CTNNA2: variants seen among roughly 807,000 people sequenced by gnomAD.
CTNNA2 encodes catenin alpha-2.
In CTNNA2, 42 loss-of-function variants were observed where a neutral mutation model predicts 101.0. The ratio of observed to expected loss-of-function variants is 0.42; its 90% CI spans 0.32 to 0.54. The LOEUF is 0.54. CTNNA2 is among the 20% of genes least tolerant of loss of function. The probability of loss-of-function intolerance (pLI) is 0.14; values close to 1 mark genes in which losing one functional copy is unlikely to be tolerated. For synonymous variants in CTNNA2, 450 were observed against 456.4 expected, an observed-to-expected ratio of 0.99 and a Z score of 0.18; for missense variants, 871 against 1,223.1, an observed-to-expected ratio of 0.71 and a Z score of 4.29.
chr2:79,814,851 A>G (rs1366108565), intron 3 of CTNNA2, among the ~76,000 whole-genome samples: 1 of 152,150 alleles, frequency 6.6e-6, no homozygotes, highest in Non-Finnish European at 1.5e-5. Flanking sequence ...TAATCTCCAC[A>G]CTGTTTTACA....
At chr2:80,343,694 C>T (rs985584619) in intron 7 of CTNNA2, among the ~76,000 whole-genome samples, 2 of 152,140 alleles carry the variant, frequency 1.3e-5, no homozygotes, top group East Asian at 1.9e-4. Context: ...TTTCTGATCA[C>T]GATCCTTTTG....
intron 4 of CTNNA2, among the ~76,000 whole-genome samples, chr2:79,421,244 T>C (rs1472666069): frequency 6.6e-6 from 1 of 152,192 alleles, no homozygotes; most frequent in Non-Finnish European, 1.5e-5. Flanking sequence ...AAGAATGAGA[T>C]ATGACTAAAT....
chr2:80,058,997 T>G (rs1309392383), intron 7 of CTNNA2, among the ~76,000 whole-genome samples: 2 of 152,254 alleles, frequency 1.3e-5, no homozygotes, highest in African/African-American at 4.8e-5. Flanking sequence ...ATACCAGTCT[T>G]CCTTCTTTTC....
At chr2:79,999,425 G>A (rs936041445) in intron 7 of CTNNA2, among the ~76,000 whole-genome samples, 3 of 152,174 alleles carry the variant, frequency 2.0e-5, no homozygotes, top group African/African-American at 4.8e-5. Flanking sequence ...AGTGGCAGGT[G>A]CAAATTCAAC....
chr2:80,622,918 C>T (rs902032939), intron 18 of CTNNA2, among the ~76,000 whole-genome samples: 1 of 151,566 alleles, frequency 6.6e-6, no homozygotes, highest in African/African-American at 2.4e-5. Flanking sequence ...CCTATTGTGA[C>T]ATCAGAATTA....
At chr2:79,441,529 T>C (rs990250348) in intron 4 of CTNNA2, among the ~76,000 whole-genome samples, 1 of 152,166 alleles carries the variant, frequency 6.6e-6, no homozygotes, top group Non-Finnish European at 1.5e-5. Context: ...TTTTACATCA[T>C]TCAAACCACC....
At chr2:79,435,131 C>T (rs575774340) in intron 4 of CTNNA2, among the ~76,000 whole-genome samples, 1 of 152,112 alleles carries the variant, frequency 6.6e-6, no homozygotes, top group East Asian at 1.9e-4. Context: ...AGACCGGGCC[C>T]AGGAGAGAAC....
intron 7 of CTNNA2, among the ~76,000 whole-genome samples, chr2:80,300,306 G>A (rs1462539975): frequency 6.6e-6 from 1 of 151,036 alleles, no homozygotes; most frequent in East Asian, 2.0e-4. Context: ...GTGTGTGTGT[G>A]TGTGTGTGTG....
intron 6 of CTNNA2, among the ~76,000 whole-genome samples, chr2:79,887,680 A>C (rs1055504803): frequency 1.3e-5 from 2 of 152,198 alleles, no homozygotes; most frequent in Non-Finnish European, 1.5e-5. Context: ...ACTTCTTAAA[A>C]AAGAAAAAAA....
intron 7 of CTNNA2, among the ~76,000 whole-genome samples, chr2:80,024,048 C>T (rs995778834): frequency 7.0e-6 from 1 of 143,288 alleles, no homozygotes. Flanking sequence ...GATGGCGCCA[C>T]TGCACTTCAG....
At chr2:79,714,948 T>G (rs559939968) in intron 2 of CTNNA2, among the ~76,000 whole-genome samples, 5 of 148,728 alleles carry the variant, frequency 3.4e-5, no homozygotes, top group African/African-American at 1.2e-4. Context: ...CCCAGCACTT[T>G]GGGAGGCCAA....
chr2:80,595,013 AGGAT>A (rs750077185), intron 15 of CTNNA2, among the ~76,000 whole-genome samples: 19 of 152,064 alleles, frequency 1.2e-4, no homozygotes, highest in Non-Finnish European at 5.9e-5. Flanking sequence ...TGTGAATTTT[AGGAT>A]GGATTTTTAA....
chr2:79,227,561 AAC>A (rs1674436329), intron 2 of CTNNA2, among the ~76,000 whole-genome samples: 1 of 152,170 alleles, frequency 6.6e-6, no homozygotes, highest in Non-Finnish European at 1.5e-5. Context: ...ACCACAATAA[AAC>A]ACATATCAAA....
chr2:79,918,368 CA>C (rs1355364321), intron 7 of CTNNA2, among the ~76,000 whole-genome samples: 3 of 152,148 alleles, frequency 2.0e-5, no homozygotes, highest in African/African-American at 7.2e-5. Flanking sequence ...GCATTAGGTG[CA>C]AAGAACAGGA....
At position 80,156,664 on chromosome 2, in the gene CTNNA2, C is replaced by T. The variant is rs369561083; in HGVS notation, c.1057-236547C>T. 8.1e-4 allele frequency among the ~76,000 whole-genome samples: 124 copies of T among 152,332 alleles called. 1 individual carries two copies. The Middle Eastern group carries it at 0.02, about 25-fold the overall frequency. On this transcript the variant is annotated intron_variant, in intron 7 of 18. Transcript: ENST00000402739. ...CTCCTCACTTGACATGGCTGAGCTT[C>T]GCTCCTCATTAGCCATGACTGCTCT...
At chr2:79,783,039 T>A (rs1674573236) in intron 3 of CTNNA2, among the ~76,000 whole-genome samples, 1 of 152,090 alleles carries the variant, frequency 6.6e-6, no homozygotes, top group Non-Finnish European at 1.5e-5. Flanking sequence ...GCAATTGTGC[T>A]TAGTAATTTT....
chr2:79,858,934 G>T (rs1207654408), intron 4 of CTNNA2, among the ~76,000 whole-genome samples: 1 of 151,266 alleles, frequency 6.6e-6, no homozygotes. Context: ...ACTACGGGTC[G>T]TTCTTCCATT....
At position 80,574,313 on chromosome 2, in the gene CTNNA2, G is replaced by C; in HGVS notation, c.1892G>C (p.Arg631Thr). ...RDIRKAVLMI[R>T]TPEELEDDSD... ...ATCAGAAAGGCTGTGCTGATGATCA[G>C]GGTATGTGAGGCCTCTGTAGCTCAG... Residue 631 changes from arginine to threonine, a missense_variant and splice_region_variant, in exon 13 of 19, where the codon AGG becomes ACG. Arg to Thr is a moderately conservative substitution (Grantham distance 71). This residue lies in a region of CTNNA2 where 647 missense variants were observed against 831.5 expected (regional missense o/e 0.78). Coordinates refer to ENST00000402739, the MANE Select transcript of CTNNA2 (RefSeq NM_001282597.3). 6.2e-7 allele frequency: 1 copy of C among 1,608,346 alleles called. No homozygotes were observed. The highest frequency in any genetic ancestry group is 8.5e-7 in the Non-Finnish European group (1 of 1,175,640).
At position 80,303,362 on chromosome 2, in the gene CTNNA2, G is replaced by C. The variant is rs1187860249; in HGVS notation, c.1057-89849G>C. On this transcript the variant is annotated intron_variant, in intron 7 of 18. Coordinates refer to ENST00000402739, the MANE Select transcript of CTNNA2 (RefSeq NM_001282597.3). This position sits in a 1 kb window ranked among gnomAD's most constrained non-coding sequence, Gnocchi z 7.7. ...CCGCAGCCCGTGGAAGAGGTCGGGCGCGAGCGCCTGCAGCTTGTTGTACGA... is the reference window on the plus strand; with the variant it reads ...CCGCAGCCCGTGGAAGAGGTCGGGCCCGAGCGCCTGCAGCTTGTTGTACGA... The C allele has an allele frequency of 3.7e-6, 6 of 1,614,104 alleles. No homozygotes were observed. Among genetic ancestry groups the C allele is most frequent in the Non-Finnish European group, 5.1e-6 (6 of 1,180,038 alleles).
Sources: gnomAD v4.1 joint callset for allele counts (sites outside exome capture counted in the v4.1 genomes callset) on GRCh38, gnomAD v4.1.1 for gene constraint, gnomAD v4.1.1 regional missense constraint, Gnocchi (gnomAD v3.1) non-coding constraint, MANE v1.5 for transcripts, NCBI Gene and HGNC (gene_info 2026-07-23, HGNC 2026-07-21) for gene names.